C8orf34: variants seen among roughly 807,000 people sequenced by gnomAD.
C8orf34 encodes the protein uncharacterized protein C8orf34.
In C8orf34, 65 loss-of-function variants were observed where a neutral mutation model predicts 68.3. The observed-to-expected ratio is 0.95, with a 90% CI of 0.78 to 1.17. The LOEUF (loss-of-function observed/expected upper bound fraction) is 1.17. Among genes scored for constraint, C8orf34 ranks in the 50% most tolerant of loss-of-function variants. C8orf34 has a pLI of 0.00. For synonymous variants in C8orf34, 244 were observed against 241.2 expected (o/e 1.01, Z -0.11); for missense variants, 664 against 655.4 (o/e 1.01, Z -0.14).
chr8:68,340,127 T>A (rs1806010632), intron 1 of C8orf34, among the ~76,000 whole-genome samples: 1 of 152,062 alleles, frequency 6.6e-6, no homozygotes, highest in Non-Finnish European at 1.5e-5. Flanking sequence ...GGTGAAGATT[T>A]GAAGCAATTA....
At chr8:68,536,358 C>CAAAAAAAAAAAAAA (rs10696903) in intron 7 of C8orf34, among the ~76,000 whole-genome samples, 26 of 49,152 alleles carry the variant, frequency 5.3e-4, no homozygotes, top group South Asian at 1.3e-3. Context: ...GACCCTATCT[C>CAAAAAAAAAAAAAA]AAAAAAAAAA....
chr8:68,479,406 TGA>T lies in C8orf34; in HGVS notation c.737-8588_737-8587del, dbSNP rs10573693. Among the ~76,000 whole-genome samples, 1,178 of 147,274 alleles carry T rather than the reference TGA, an allele frequency of 8.0e-3. 16 individuals carry two copies. The highest frequency in any genetic ancestry group is 0.026 in the African/African-American group (1,040 of 40,082). On this transcript the variant is annotated intron_variant, in intron 4 of 13. Coordinates refer to ENST00000518698, the MANE Select transcript of C8orf34 (RefSeq NM_052958.4). ...GTATCAGAGAGACACAGAGAAACAGTGAGAGAGAGAGAGAGAGAGAGAGAGAG... is the reference window on the plus strand; with the variant it reads ...GTATCAGAGAGACACAGAGAAACAGTGAGAGAGAGAGAGAGAGAGAGAGAG...
intron 7 of C8orf34, among the ~76,000 whole-genome samples, chr8:68,603,535 AT>A (rs1817764774): frequency 5.8e-5 from 5 of 86,942 alleles, no homozygotes. Flanking sequence ...CTATCTATCT[AT>A]CTATCTATCT....
At chr8:68,621,148 G>C (rs765389299) in intron 7 of C8orf34, among the ~76,000 whole-genome samples, 1 of 152,186 alleles carries the variant, frequency 6.6e-6, no homozygotes, top group African/African-American at 2.4e-5. Flanking sequence ...TCCTCTGGCT[G>C]TGGCTTTATC....
chr8:68,708,646 A>G, intron 8 of C8orf34, among the ~76,000 whole-genome samples: 1 of 152,200 alleles, frequency 6.6e-6, no homozygotes, highest in Non-Finnish European at 1.5e-5. Flanking sequence ...ATGTTAGGTG[A>G]GCACACTGTG....
At chr8:68,801,865 T>C (rs1486784818) in intron 12 of C8orf34, among the ~76,000 whole-genome samples, 1 of 150,982 alleles carries the variant, frequency 6.6e-6, no homozygotes, top group African/African-American at 2.5e-5. Flanking sequence ...ATACCCTCTG[T>C]GATTACTGTG....
intron 5 of C8orf34, among the ~76,000 whole-genome samples, chr8:68,509,245 A>C (rs1382862851): frequency 3.3e-5 from 5 of 152,212 alleles, no homozygotes; most frequent in Admixed American, 2.0e-4. Flanking sequence ...GCCATTGTCA[A>C]AGGCTCTGGC....
chr8:68,740,137 A>G (rs757715989), intron 10 of C8orf34, among the ~76,000 whole-genome samples: 19 of 152,214 alleles, frequency 1.2e-4, no homozygotes, highest in Non-Finnish European at 1.9e-4. Flanking sequence ...GTGACACTCA[A>G]AATTATAAAA....
At chr8:68,360,265 G>A (rs955151620) in intron 1 of C8orf34, among the ~76,000 whole-genome samples, 1 of 151,942 alleles carries the variant, frequency 6.6e-6, no homozygotes, top group African/African-American at 2.4e-5. Context: ...CCCATGAAAT[G>A]GTCCCAACCC....
intron 7 of C8orf34, among the ~76,000 whole-genome samples, chr8:68,616,258 T>C (rs1818209660): frequency 6.6e-6 from 1 of 152,164 alleles, no homozygotes; most frequent in Non-Finnish European, 1.5e-5. Flanking sequence ...GATTCATTAA[T>C]TTTTTGAAGA....
chr8:68,413,644 T>C (rs1252011577), intron 1 of C8orf34, among the ~76,000 whole-genome samples: 1 of 152,192 alleles, frequency 6.6e-6, no homozygotes, highest in Non-Finnish European at 1.5e-5. Flanking sequence ...GCCTGACACC[T>C]AGGTGGTGTC....
intron 7 of C8orf34, among the ~76,000 whole-genome samples, chr8:68,583,014 A>C (rs907828088): frequency 6.6e-6 from 1 of 152,074 alleles, no homozygotes; most frequent in African/African-American, 2.4e-5. Flanking sequence ...AGTGGGAGAT[A>C]CTCTTACAAA....
At chr8:68,510,213 G>T (rs1013408511) in intron 5 of C8orf34, among the ~76,000 whole-genome samples, 1 of 152,124 alleles carries the variant, frequency 6.6e-6, no homozygotes, top group Non-Finnish European at 1.5e-5. Context: ...TGAAATTGCA[G>T]AACTGAGTCC....
At chr8:68,757,586 A>C (rs892608526) in intron 10 of C8orf34, among the ~76,000 whole-genome samples, 1 of 152,140 alleles carries the variant, frequency 6.6e-6, no homozygotes, top group African/African-American at 2.4e-5. Flanking sequence ...ACGCCACTGC[A>C]CTCCAGCCTG....
intron 3 of C8orf34, among the ~76,000 whole-genome samples, chr8:68,465,710 C>A (rs1812089973): frequency 6.6e-6 from 1 of 150,648 alleles, no homozygotes; most frequent in South Asian, 2.1e-4. Flanking sequence ...GACAAAAAAC[C>A]AAACACCGCA....
rs889106118 is a variant in C8orf34 at position 68,397,330 on chromosome 8, A to G, written c.328-42169A>G. 2.0e-5 allele frequency among the ~76,000 whole-genome samples: 3 copies of G among 152,088 alleles called. No homozygotes were observed. In the East Asian group the frequency reaches 5.8e-4, roughly 29 times the overall value. ...GCAATCTTTCTTCTCCTAGTCTCCAAAATATTTCTCCATTCTTGTTTCAAT... is the reference window on the plus strand; with the variant it reads ...GCAATCTTTCTTCTCCTAGTCTCCAGAATATTTCTCCATTCTTGTTTCAAT... On this transcript the variant is annotated intron_variant, in intron 1 of 13. Coordinates refer to ENST00000518698, the MANE Select transcript of C8orf34 (RefSeq NM_052958.4).
chr8:68,485,722 AAAAAATAAAT>A (rs1189649288), intron 4 of C8orf34, among the ~76,000 whole-genome samples: 8 of 50,002 alleles, frequency 1.6e-4, no homozygotes, highest in East Asian at 2.1e-3. Context: ...AAAAAAAAAT[AAAAAATAAAT>A]AAATAAATAA....
chr8:68,720,909 C>A (rs1381902218), intron 9 of C8orf34, among the ~76,000 whole-genome samples: 5 of 151,830 alleles, frequency 3.3e-5, no homozygotes, highest in Non-Finnish European at 5.9e-5. Flanking sequence ...ATGCGCCCCT[C>A]TCTGAACTTT....
chr8:68,358,343 T>C (rs1806835547), intron 1 of C8orf34, among the ~76,000 whole-genome samples: 1 of 151,996 alleles, frequency 6.6e-6, no homozygotes, highest in Admixed American at 6.6e-5. Context: ...TTAGAGACTT[T>C]GCACAGTCTG....
Sources: allele counts gnomAD v4.1 joint callset (sites outside exome capture counted in the v4.1 genomes callset), GRCh38; gene constraint gnomAD v4.1.1; transcripts MANE v1.5; gene names NCBI Gene and HGNC (gene_info 2026-07-23, HGNC 2026-07-21).